The following SLC12A9 variants were observed in gnomAD, a reference collection of about 807,000 sequenced individuals.
The protein encoded by SLC12A9 is solute carrier family 12 member 9.
In SLC12A9, 55 loss-of-function variants were observed where a neutral mutation model predicts 66.0. That is an observed-to-expected ratio of 0.83 (90% CI 0.67 to 1.04). The LOEUF (loss-of-function observed/expected upper bound fraction) is 1.04, where lower values mean the gene tolerates loss of function less well. SLC12A9 is among the 50% of genes least tolerant of loss of function. SLC12A9 has a pLI of 0.00. For synonymous variants in SLC12A9, 577 were observed against 569.0 expected, an observed-to-expected ratio of 1.01 and a Z score of -0.20; for missense variants, 1,061 against 1,241.9, an observed-to-expected ratio of 0.85 and a Z score of 2.19.
intron 1 of SLC12A9, among the ~76,000 whole-genome samples, chr7:100,845,202 A>G (rs1045603948): frequency 6.6e-6 from 1 of 151,118 alleles, no homozygotes. Context: ...CTAAATTTCC[A>G]AAGTTGCGGA....
intron 1 of SLC12A9, among the ~76,000 whole-genome samples, chr7:100,832,477 C>T (rs769403221): frequency 2.0e-5 from 3 of 152,122 alleles, no homozygotes; most frequent in Non-Finnish European, 2.9e-5. Flanking sequence ...GGCACCACTG[C>T]ACTCCAACCT....
At chr7:100,860,357 C>A in intron 9 of SLC12A9, 125 bp downstream of exon 9, 1 of 969,768 alleles carries the variant, frequency 1.0e-6, no homozygotes, top group Non-Finnish European at 1.5e-6. Context: ...GTTGCACTGG[C>A]ACTCTGCAGG....
At chr7:100,830,944 C>CA (rs1170780670) in intron 1 of SLC12A9, among the ~76,000 whole-genome samples, 1 of 152,088 alleles carries the variant, frequency 6.6e-6, no homozygotes, top group Non-Finnish European at 1.5e-5. Flanking sequence ...CACTAAATTA[C>CA]AGAACGTGGG....
chr7:100,843,485 A>G (rs1469162246), intron 1 of SLC12A9, among the ~76,000 whole-genome samples: 1 of 152,214 alleles, frequency 6.6e-6, no homozygotes, highest in Non-Finnish European at 1.5e-5. Context: ...TGAACCCTTT[A>G]CACCCTACGT....
rs1814278984 is a variant in SLC12A9, at chr7:100,854,721, A to C, written c.283A>C (p.Thr95Pro). The C allele has an allele frequency of 1.9e-6, 3 of 1,613,932 alleles. No individual in the cohort carries two copies. Among genetic ancestry groups the C allele is most frequent in the Non-Finnish European group, 2.5e-6 (3 of 1,179,984 alleles). ...CGTCCTCTCTGTCTGTGCCATCGCCACCAATGGAGCCGTGCAGGGGGGCGG... is the reference window on the plus strand; with the variant it reads ...CGTCCTCTCTGTCTGTGCCATCGCCCCCAATGGAGCCGTGCAGGGGGGCGG... The part of the protein sequence containing the change: ...LTVLSVCAIA[T>P]NGAVQGGGAY... Residue 95 changes from threonine to proline, a missense_variant, in exon 3 of 14, where the codon ACC becomes CCC. Transcript: ENST00000354161.
upstream of SLC12A9, among the ~76,000 whole-genome samples, chr7:100,848,796 G>T (rs1320708312): frequency 6.6e-6 from 1 of 151,922 alleles, no homozygotes; most frequent in Non-Finnish European, 1.5e-5. Flanking sequence ...TGAGGCAGGA[G>T]AATCGCTTCA....
At chr7:100,833,477 GCAAAA>G (rs1201490683) in intron 1 of SLC12A9, among the ~76,000 whole-genome samples, 2 of 150,044 alleles carry the variant, frequency 1.3e-5, no homozygotes, top group African/African-American at 4.9e-5. Flanking sequence ...TCAAAGCAAA[GCAAAA>G]CAAAACAAAA....
Position 100,866,534 on chromosome 7 carries a change from A to G in SLC12A9, c.2674A>G (p.Thr892Ala), listed in dbSNP as rs1301061337. The G allele has an allele frequency of 1.3e-6, 2 of 1,581,596 alleles. No homozygotes were observed. The highest frequency in any genetic ancestry group is 1.7e-6 in the Non-Finnish European group (2 of 1,165,060). Residue 892 changes from threonine to alanine, a missense_variant, in exon 14 of 14, where the codon ACT becomes GCT. Coordinates refer to ENST00000354161, the MANE Select transcript of SLC12A9 (RefSeq NM_020246.4). This position sits in a 1 kb window ranked among gnomAD's most constrained non-coding sequence, Gnocchi z 7.3. ...CCCCCGCTACCTGGCGCTACTGGAG[A>G]CTCTAACCCGAGACCTGGGCCCCAC... Reference protein sequence around the residue: ...RYPRYLALLETLTRDLGPTLL... With the variant: ...RYPRYLALLEALTRDLGPTLL...
Position 100,861,213 on chromosome 7 carries a change from G to A in SLC12A9, c.1294G>A (p.Val432Met), listed in dbSNP as rs200508321. Residue 432 changes from valine to methionine, a missense_variant, in exon 10 of 14, where the codon GTG becomes ATG. Physicochemically the swap from Val to Met is conservative, Grantham distance 21. Coordinates refer to ENST00000354161, the MANE Select transcript of SLC12A9 (RefSeq NM_020246.4). The surrounding 1 kb of genome is among the most constrained non-coding windows in gnomAD (Gnocchi z 5.3). ...CTTCTACCTGGTGGCCTATGCTGCC[G>A]TGGACCTGTCCTGCCTGAGCCTGGA... Reference protein sequence around the residue: ...TVFYLVAYAAVDLSCLSLEWA... With the variant: ...TVFYLVAYAAMDLSCLSLEWA... 1.2e-4 allele frequency: 198 copies of A among 1,614,086 alleles called. No homozygotes were observed. Among genetic ancestry groups the A allele is most frequent in the Admixed American group, 2.0e-4 (12 of 60,010 alleles).
In SLC12A9 at chr7:100,866,403, G is replaced by A; in HGVS notation, c.2543G>A (p.Gly848Asp). The change falls in exon 14 of 14, where the codon GGC becomes GAC. Residue 848 changes from glycine to aspartate, a missense_variant. Coordinates refer to ENST00000354161, the MANE Select transcript of SLC12A9 (RefSeq NM_020246.4). This position sits in a 1 kb window ranked among gnomAD's most constrained non-coding sequence, Gnocchi z 7.3. ...NALVRAQQGR[G>D]TGGGPGGPEG... is the part of the protein sequence containing the mutation. ...CTGGTTCGGGCCCAGCAGGGGCGCG[G>A]CACAGGAGGAGGGCCGGGTGGGCCG... 6.5e-7 allele frequency: 1 copy of A among 1,539,284 alleles called. No individual in the cohort carries two copies. Among genetic ancestry groups the A allele is most frequent in the Non-Finnish European group, 8.8e-7 (1 of 1,141,132 alleles).
Position 100,843,453 on chromosome 7 carries a change from C to T in SLC12A9, n.228+16406C>T, listed in dbSNP as rs918699034. On this transcript the variant is annotated intron_variant and non_coding_transcript_variant, in intron 1 of 1. Transcript: ENST00000461016. ...CATGAGTTAAAAGAAAAACTCATGT[C>T]GGCCCCAGCCCTGAGGCTACCTGAA... Among the ~76,000 whole-genome samples the T allele has an allele frequency of 1.3e-4, 20 of 152,314 alleles. No individual in the cohort carries two copies. The East Asian group carries it at 1.5e-3, about 12-fold the overall frequency.
At chr7:100,831,727 G>C (rs917648282) in intron 1 of SLC12A9, among the ~76,000 whole-genome samples, 1 of 152,140 alleles carries the variant, frequency 6.6e-6, no homozygotes, top group Non-Finnish European at 1.5e-5. Context: ...ATAACAAGCA[G>C]CAAATCACCC....
chr7:100,866,601 T>A lies in SLC12A9; in HGVS notation c.2741T>A (p.Leu914Gln). 1 of 1,563,390 alleles carries A rather than the reference T, an allele frequency of 6.4e-7. No homozygotes were observed. The change falls in exon 14 of 14, where the codon CTG (leucine) becomes CAG (glutamine). Residue 914 changes from leucine (L) to glutamine (Q), a missense_variant. Leu to Gln is a moderately radical substitution (Grantham distance 113). Transcript: ENST00000354161. The surrounding 1 kb of genome is among the most constrained non-coding windows in gnomAD (Gnocchi z 7.3). Reference protein sequence around the residue: ...HGVTPVTCTDL With the variant: ...HGVTPVTCTDQ ...GTCACTCCAGTCACCTGCACTGATC[T>A]GTGATGCCCCTGCCTCCAGGGCTAG...
At chr7:100,828,596 T>TGAGG (rs1234713811) in intron 1 of SLC12A9, among the ~76,000 whole-genome samples, 2 of 110,014 alleles carry the variant, frequency 1.8e-5, no homozygotes, top group Non-Finnish European at 3.7e-5. Context: ...TCCGAGAGGG[T>TGAGG]GAGGGGTCCG....
chr7:100,826,955 G>GCCC lies in SLC12A9; in HGVS notation n.143_145dup, dbSNP rs141919245. Reference sequence around the variant, plus strand: ...GGAGGTCCCAGGAGTGACGGGGTGCGCCCCCCCCCGCAAGGAAACTCACCT... The same window carrying GCCC: ...GGAGGTCCCAGGAGTGACGGGGTGCGCCCCCCCCCCCCGCAAGGAAACTCACCT... On this transcript the variant is annotated non_coding_transcript_exon_variant, in exon 1 of 2. Transcript: ENST00000461016. 155 of 1,485,698 alleles carry GCCC rather than the reference G, an allele frequency of 1.0e-4. 2 individuals carry two copies. The African/African-American group carries it at 1.4e-3, about 14-fold the overall frequency. 92.0% of individuals were successfully genotyped at this position (1,485,698 alleles called of 1,614,324 possible).
Position 100,865,081 on chromosome 7 carries a change from C to T in SLC12A9, c.1859-638C>T, listed in dbSNP as rs530697214. ...CAGGCAATTCTCATGTCTCAGCCTC[C>T]TGAGTAGCTGGGATTATAGATGCCC... On this transcript the variant is annotated intron_variant, in intron 13 of 13. Coordinates refer to ENST00000354161, the MANE Select transcript of SLC12A9 (RefSeq NM_020246.4). 2.4e-4 allele frequency among the ~76,000 whole-genome samples: 36 copies of T among 152,198 alleles called. 1 individual carries two copies. The South Asian group carries it at 6.6e-3, about 28-fold the overall frequency.
chr7:100,826,931 G>T (rs775569595), exon 1 of SLC12A9: 2 of 1,535,226 alleles, frequency 1.3e-6, no homozygotes, highest in Admixed American at 2.0e-5. Flanking sequence ...TGTTGGGGGG[G>T]AGGTCCCAGG....
At chr7:100,837,480 A>T (rs188919520) in intron 1 of SLC12A9, 2 of 152,204 alleles carry the variant, frequency 1.3e-5, no homozygotes, top group South Asian at 2.1e-4. Context: ...TGAAGCCATC[A>T]TAGTCGCCGC....
At chr7:100,840,793 C>T (rs879908377) in intron 1 of SLC12A9, among the ~76,000 whole-genome samples, 3 of 151,940 alleles carry the variant, frequency 2.0e-5, no homozygotes, top group Non-Finnish European at 4.4e-5. Context: ...CCTTTAAAAG[C>T]CAAGGTAAAT....
Sources: gnomAD v4.1 joint callset for allele counts (sites outside exome capture counted in the v4.1 genomes callset) on GRCh38, gnomAD v4.1.1 for gene constraint, Gnocchi (gnomAD v3.1) non-coding constraint, MANE v1.5 for transcripts, NCBI Gene and HGNC (gene_info 2026-07-23, HGNC 2026-07-21) for gene names.